NRG3: variants seen among roughly 807,000 people sequenced by gnomAD.
The protein encoded by NRG3 is pro-neuregulin-3, membrane-bound isoform.
NRG3 carries 31 observed loss-of-function variants against 66.9 expected under a neutral mutation model. That is an observed-to-expected ratio of 0.46 (90% CI 0.35 to 0.63). NRG3 has a LOEUF of 0.63. Ranked by LOEUF, NRG3 falls within the 20% of genes least tolerant of loss-of-function variation. NRG3 has a pLI of 0.00. For missense variants in NRG3, 910 were observed against 878.9 expected (o/e 1.04, Z -0.45); for synonymous variants, 393 against 359.4 (o/e 1.09, Z -1.06).
At chr10:82,638,975 A>G (rs2050383026) in intron 2 of NRG3, among the ~76,000 whole-genome samples, 1 of 152,052 alleles carries the variant, frequency 6.6e-6, no homozygotes. Flanking sequence ...CTATCATATA[A>G]TCATTAGGTC....
chr10:82,619,597 G>T (rs943264550), intron 2 of NRG3, among the ~76,000 whole-genome samples: 5 of 152,150 alleles, frequency 3.3e-5, no homozygotes, highest in African/African-American at 1.2e-4. Context: ...AGGATAAATT[G>T]TGTTTCCTAA....
intron 2 of NRG3, among the ~76,000 whole-genome samples, chr10:82,533,517 A>AT (rs59369363): frequency 0.35 from 53,308 of 151,632 alleles, 10,842 homozygotes; most frequent in African/African-American, 0.57. Flanking sequence ...GGAATTATCC[A>AT]TTTTTTCCAA....
At chr10:82,164,632 A>G (rs1249802340) in intron 1 of NRG3, among the ~76,000 whole-genome samples, 1 of 152,136 alleles carries the variant, frequency 6.6e-6, no homozygotes, top group East Asian at 1.9e-4. Flanking sequence ...GCAAGAGTGC[A>G]AGTAGCAGGG....
chr10:82,685,853 C>T (rs1338233619), intron 2 of NRG3, among the ~76,000 whole-genome samples: 1 of 152,080 alleles, frequency 6.6e-6, no homozygotes, highest in Non-Finnish European at 1.5e-5. Flanking sequence ...TATACACTAG[C>T]CTAGGCCTTC....
At chr10:82,180,534 G>A (rs2073344114) in intron 1 of NRG3, among the ~76,000 whole-genome samples, 2 of 151,744 alleles carry the variant, frequency 1.3e-5, no homozygotes, top group Admixed American at 6.6e-5. Flanking sequence ...TTAATGTGGT[G>A]TATCACCTTG....
chr10:82,172,831 TCC>T (rs1206817531), intron 1 of NRG3, among the ~76,000 whole-genome samples: 1 of 152,124 alleles, frequency 6.6e-6, no homozygotes, highest in East Asian at 1.9e-4. Context: ...TGATGGGCCC[TCC>T]CTGTCTCCCT....
chr10:82,711,731 G>A lies in NRG3; in HGVS notation c.954-26846G>A, dbSNP rs149182726. 7.6e-3 allele frequency among the ~76,000 whole-genome samples: 1,157 copies of A among 151,870 alleles called. 16 individuals are homozygous for A. Among genetic ancestry groups the A allele is most frequent in the African/African-American group, 0.027 (1,114 of 41,384 alleles). ...TTGATTTCCTCTGTTCTCTACTATT[G>A]GTCTGTTTATCATATGATCAATTTT... On this transcript the variant is annotated intron_variant, in intron 2 of 8. Coordinates refer to ENST00000372141, the MANE Select transcript of NRG3 (RefSeq NM_001010848.4).
intron 2 of NRG3, among the ~76,000 whole-genome samples, chr10:82,538,394 T>G (rs2043304656): frequency 6.6e-6 from 1 of 152,194 alleles, no homozygotes; most frequent in Admixed American, 6.5e-5. Flanking sequence ...CAACTAGAAA[T>G]TTAGTTAAAC....
intron 3 of NRG3, among the ~76,000 whole-genome samples, chr10:82,809,913 G>T (rs1302436813): frequency 1.3e-5 from 2 of 149,894 alleles, no homozygotes; most frequent in African/African-American, 4.9e-5. Context: ...GGTTGTAAAG[G>T]CATTTCAATA....
At chr10:82,214,514 G>T (rs538842288) in intron 1 of NRG3, among the ~76,000 whole-genome samples, 1 of 152,284 alleles carries the variant, frequency 6.6e-6, no homozygotes, top group Admixed American at 6.5e-5. Context: ...ATTTAGGCCG[G>T]AATGCAGTGG....
chr10:82,045,803 A>G (rs1418784778), intron 1 of NRG3, among the ~76,000 whole-genome samples: 10 of 89,834 alleles, frequency 1.1e-4, no homozygotes, highest in Non-Finnish European at 2.1e-4. Flanking sequence ...CAGTTTTCCC[A>G]GCACCATTTA....
At chr10:82,900,626 CT>C (rs1290679425) in intron 4 of NRG3, among the ~76,000 whole-genome samples, 1 of 152,078 alleles carries the variant, frequency 6.6e-6, no homozygotes, top group Non-Finnish European at 1.5e-5. Context: ...TCTGCTAAGT[CT>C]TTTGCATGCG....
At chr10:82,153,492 T>C (rs1257971914) in intron 1 of NRG3, among the ~76,000 whole-genome samples, 1 of 151,904 alleles carries the variant, frequency 6.6e-6, no homozygotes, top group Non-Finnish European at 1.5e-5. Context: ...CTTTTATACC[T>C]TGGCTAATGT....
chr10:82,156,477 C>G (rs976176661), intron 1 of NRG3, among the ~76,000 whole-genome samples: 1 of 151,656 alleles, frequency 6.6e-6, no homozygotes, highest in African/African-American at 2.4e-5. Flanking sequence ...CTGGCAAGAA[C>G]AGGTACTCTG....
chr10:82,426,303 A>G (rs969426324), intron 2 of NRG3, among the ~76,000 whole-genome samples: 24 of 152,270 alleles, frequency 1.6e-4, no homozygotes, highest in Middle Eastern at 6.8e-3. Context: ...ATTTCTCATT[A>G]TAGTCCACGC....
intron 2 of NRG3, among the ~76,000 whole-genome samples, chr10:82,424,537 C>A (rs1350182683): frequency 1.3e-5 from 2 of 151,964 alleles, no homozygotes; most frequent in African/African-American, 4.8e-5. Flanking sequence ...GTTCAGGATA[C>A]AAATCCCTTT....
At chr10:81,995,469 C>T (rs371200720) in intron 1 of NRG3, among the ~76,000 whole-genome samples, 19 of 152,214 alleles carry the variant, frequency 1.2e-4, no homozygotes, top group South Asian at 6.2e-4. Flanking sequence ...GGCAGCAACT[C>T]GAAACCCCTT....
intron 3 of NRG3, among the ~76,000 whole-genome samples, chr10:82,860,752 A>G (rs76745178): frequency 0.011 from 1,676 of 152,340 alleles, 26 homozygotes; most frequent in African/African-American, 0.037. Flanking sequence ...AAACATATGT[A>G]TGTCATAGAT....
chr10:82,730,138 C>T (rs545218565), intron 2 of NRG3, among the ~76,000 whole-genome samples: 89 of 144,008 alleles, frequency 6.2e-4, no homozygotes, highest in Non-Finnish European at 1.0e-3. Flanking sequence ...CAGGCTGGAG[C>T]GCAGGGGGTC....
Sources: allele counts gnomAD v4.1 joint callset (sites outside exome capture counted in the v4.1 genomes callset), GRCh38; gene constraint gnomAD v4.1.1; transcripts MANE v1.5; gene names NCBI Gene and HGNC (gene_info 2026-07-23, HGNC 2026-07-21).